UNC5C: variants seen among roughly 807,000 people sequenced by gnomAD.
The protein encoded by UNC5C is unc-5 netrin receptor C.
Under a neutral mutation model 99.8 loss-of-function variants are expected in UNC5C, and 47 were observed. The ratio of observed to expected loss-of-function variants is 0.47; its 90% CI spans 0.37 to 0.60. The LOEUF is 0.60. UNC5C is among the 20% of genes least tolerant of loss of function. UNC5C has a pLI of 0.00. For synonymous variants in UNC5C, 487 were observed against 452.2 expected (o/e 1.08, Z -0.98); for missense variants, 1,062 against 1,165.9 (o/e 0.91, Z 1.30).
chr4:95,459,195 A>G (rs755801795), intron 1 of UNC5C, among the ~76,000 whole-genome samples: 5 of 152,038 alleles, frequency 3.3e-5, no homozygotes, highest in Non-Finnish European at 5.9e-5. Flanking sequence ...AATATAAGCA[A>G]CTCTTAAATT....
chr4:95,366,472 C>T (rs573293198), intron 1 of UNC5C, among the ~76,000 whole-genome samples: 2 of 152,280 alleles, frequency 1.3e-5, no homozygotes, highest in South Asian at 4.1e-4. Context: ...GAAGGCAACA[C>T]AATTAAAATC....
At chr4:95,494,292 T>C (rs1157471439) in intron 1 of UNC5C, among the ~76,000 whole-genome samples, 1 of 151,556 alleles carries the variant, frequency 6.6e-6, no homozygotes, top group East Asian at 1.9e-4. Flanking sequence ...AATAACAATG[T>C]CCAGTGTGTT....
At chr4:95,493,549 A>AT (rs547020021) in intron 1 of UNC5C, among the ~76,000 whole-genome samples, 31 of 151,306 alleles carry the variant, frequency 2.0e-4, no homozygotes, top group South Asian at 6.2e-4. Context: ...AACTTTAACA[A>AT]TTTTTTTTAA....
At chr4:95,365,634 A>G (rs1744536915) in intron 1 of UNC5C, among the ~76,000 whole-genome samples, 1 of 152,024 alleles carries the variant, frequency 6.6e-6, no homozygotes, top group Non-Finnish European at 1.5e-5. Flanking sequence ...TCAATGCTCA[A>G]ATGTGTCAAA....
chr4:95,221,551 CTCTA>C (rs1738469135), intron 7 of UNC5C, among the ~76,000 whole-genome samples: 1 of 152,152 alleles, frequency 6.6e-6, no homozygotes, highest in South Asian at 2.1e-4. Context: ...TTGGGAATTG[CTCTA>C]TCTCTTTTGG....
chr4:95,463,058 G>A (rs777952724), intron 1 of UNC5C, among the ~76,000 whole-genome samples: 20 of 152,112 alleles, frequency 1.3e-4, no homozygotes, highest in Non-Finnish European at 2.4e-4. Flanking sequence ...TCCAGCTGCC[G>A]CCCTCAAACA....
At chr4:95,220,205 G>T (rs777874941) in intron 7 of UNC5C, 29 bp from the exon 8 acceptor site, 3 of 1,587,218 alleles carry the variant, frequency 1.9e-6, no homozygotes, top group Non-Finnish European at 2.6e-6. Context: ...CATTGAACCA[G>T]CTGCTTATAG....
intron 1 of UNC5C, among the ~76,000 whole-genome samples, chr4:95,338,455 A>T (rs1343994814): frequency 6.6e-6 from 1 of 152,100 alleles, no homozygotes; most frequent in East Asian, 1.9e-4. Context: ...GTATTTAAAG[A>T]TAAAGTGATC....
At chr4:95,310,348 A>C (rs1049776677) in intron 2 of UNC5C, among the ~76,000 whole-genome samples, 6 of 152,058 alleles carry the variant, frequency 3.9e-5, no homozygotes, top group African/African-American at 1.4e-4. Flanking sequence ...TTAGACAGGG[A>C]GAGTAAGTTC....
chr4:95,182,316 C>T (rs1249014757), intron 14 of UNC5C, among the ~76,000 whole-genome samples: 2 of 152,096 alleles, frequency 1.3e-5, no homozygotes, highest in East Asian at 1.9e-4. Context: ...GGCATATTTC[C>T]CCCATCCCGG....
rs563018059 is a variant in UNC5C, at chr4:95,376,048, G to A, written c.125-40417C>T. Among the ~76,000 whole-genome samples the A allele has an allele frequency of 3.8e-4, 57 of 151,886 alleles. No homozygotes were observed. The East Asian group carries it at 5.0e-3, about 13-fold the overall frequency. On this transcript the variant is annotated intron_variant, in intron 1 of 15. Transcript: ENST00000453304. The stretch of plus-strand genomic sequence containing the variant: ...AGCCTGGGCAACATAGCAAGACTCC[G>A]TCTCAAAAAACAAACAAACAAACAA...
At chr4:95,236,679 G>A (rs1032380461) in intron 7 of UNC5C, among the ~76,000 whole-genome samples, 1 of 151,830 alleles carries the variant, frequency 6.6e-6, no homozygotes, top group African/African-American at 2.4e-5. Context: ...AAATTCATAA[G>A]TTTCATTCAT....
chr4:95,441,760 A>G (rs529763538), intron 1 of UNC5C, among the ~76,000 whole-genome samples: 2 of 152,220 alleles, frequency 1.3e-5, no homozygotes, highest in Admixed American at 1.3e-4. Flanking sequence ...AGATGAATTA[A>G]GTGAGGCACA....
intron 1 of UNC5C, among the ~76,000 whole-genome samples, chr4:95,344,958 A>C (rs1310209418): frequency 6.6e-6 from 1 of 152,096 alleles, no homozygotes; most frequent in Non-Finnish European, 1.5e-5. Flanking sequence ...AAACAAACAG[A>C]AAACAAATCA....
intron 1 of UNC5C, among the ~76,000 whole-genome samples, chr4:95,515,919 TC>T (rs1228720328): frequency 1.3e-5 from 2 of 152,156 alleles, no homozygotes; most frequent in Non-Finnish European, 2.9e-5. Context: ...AACCAAACAA[TC>T]CCTAATGATG....
At chr4:95,272,865 G>A (rs1465339629) in intron 4 of UNC5C, among the ~76,000 whole-genome samples, 1 of 152,124 alleles carries the variant, frequency 6.6e-6, no homozygotes, top group East Asian at 1.9e-4. Flanking sequence ...AGACAATATA[G>A]CTGCATGGAA....
chr4:95,428,082 T>G (rs1206599453), intron 1 of UNC5C, among the ~76,000 whole-genome samples: 2 of 151,990 alleles, frequency 1.3e-5, no homozygotes, highest in African/African-American at 4.8e-5. Flanking sequence ...TTTGTTTTTT[T>G]TTTTTCCAGA....
chr4:95,377,970 C>G (rs1744945766), intron 1 of UNC5C, among the ~76,000 whole-genome samples: 1 of 152,158 alleles, frequency 6.6e-6, no homozygotes, highest in Non-Finnish European at 1.5e-5. Flanking sequence ...TGAATGGGCA[C>G]AGGTTCCTTC....
intron 1 of UNC5C, among the ~76,000 whole-genome samples, chr4:95,485,095 C>A (rs918043124): frequency 6.6e-6 from 1 of 151,728 alleles, no homozygotes; most frequent in Middle Eastern, 3.2e-3. Flanking sequence ...TTCTGCCTTT[C>A]TTTCTTTAGT....
Sources: allele counts gnomAD v4.1 joint callset (sites outside exome capture counted in the v4.1 genomes callset), GRCh38; gene constraint gnomAD v4.1.1; transcripts MANE v1.5; gene names NCBI Gene and HGNC (gene_info 2026-07-23, HGNC 2026-07-21).